The following DDR2 variants were observed in gnomAD, a reference collection of about 807,000 sequenced individuals.
The protein encoded by DDR2 is discoidin domain receptor tyrosine kinase 2.
A neutral mutation model predicts 94.9 loss-of-function variants in DDR2; 27 were observed. The ratio of observed to expected loss-of-function variants is 0.28; its 90% confidence interval spans 0.21 to 0.39. DDR2 has a LOEUF of 0.39. DDR2 is among the 10% of genes least tolerant of loss of function. The pLI is 1.00. For missense variants in DDR2, 783 were observed against 1,076.0 expected (o/e 0.73, Z 3.81); for synonymous variants, 382 against 377.2 (o/e 1.01, Z -0.15).
intron 2 of DDR2, among the ~76,000 whole-genome samples, chr1:162,667,895 A>C (rs532229976): frequency 6.6e-6 from 1 of 152,332 alleles, no homozygotes; most frequent in East Asian, 1.9e-4. Flanking sequence ...TAAAATTTGC[A>C]GATGCAGTCA....
intron 2 of DDR2, among the ~76,000 whole-genome samples, chr1:162,708,223 C>T (rs973701546): frequency 2.6e-5 from 4 of 152,190 alleles, no homozygotes; most frequent in Admixed American, 2.6e-4. Flanking sequence ...CCAAGTTTCT[C>T]TCCAAGGAGG....
At chr1:162,685,276 G>C (rs1331250457) in intron 2 of DDR2, among the ~76,000 whole-genome samples, 1 of 152,170 alleles carries the variant, frequency 6.6e-6, no homozygotes, top group Non-Finnish European at 1.5e-5. Context: ...AGAAGTATCT[G>C]TGTTCTTTCA....
At chr1:162,669,818 C>T (rs1257443410) in intron 2 of DDR2, among the ~76,000 whole-genome samples, 2 of 152,060 alleles carry the variant, frequency 1.3e-5, no homozygotes, top group African/African-American at 4.8e-5. Context: ...CAGGAGTCAC[C>T]AGCCCATTTA....
At chr1:162,765,245 T>C (rs1014892037) in intron 9 of DDR2, among the ~76,000 whole-genome samples, 1 of 152,112 alleles carries the variant, frequency 6.6e-6, no homozygotes, top group Non-Finnish European at 1.5e-5. Flanking sequence ...ATAATATTAG[T>C]TTTCACCGGA....
At chr1:162,761,602 G>A (rs1663750519) in intron 9 of DDR2, 148 bp downstream of exon 9, 3 of 1,324,074 alleles carry the variant, frequency 2.3e-6, no homozygotes, top group South Asian at 2.6e-5. Flanking sequence ...TCCTTTGTGT[G>A]ACTAGTTTTA....
At chr1:162,654,944 CAAT>C (rs1657884163) in intron 1 of DDR2, among the ~76,000 whole-genome samples, 1 of 152,102 alleles carries the variant, frequency 6.6e-6, no homozygotes, top group Non-Finnish European at 1.5e-5. Flanking sequence ...ATTTTTATAA[CAAT>C]TATTATTCAA....
At chr1:162,691,790 T>C (rs1037236971) in intron 2 of DDR2, among the ~76,000 whole-genome samples, 1 of 152,230 alleles carries the variant, frequency 6.6e-6, no homozygotes, top group African/African-American at 2.4e-5. Flanking sequence ...TGCATTCTGC[T>C]ACCAATATCT....
At chr1:162,671,515 G>A (rs1029704406) in intron 2 of DDR2, among the ~76,000 whole-genome samples, 1 of 152,178 alleles carries the variant, frequency 6.6e-6, no homozygotes, top group Non-Finnish European at 1.5e-5. Context: ...GCTTCTGGGA[G>A]GCAGTGACTA....
Position 162,755,317 on chromosome 1 carries a change from C to T in DDR2, c.565+14C>T. 6.2e-7 allele frequency: 1 copy of T among 1,613,388 alleles called. No homozygotes were observed. Among genetic ancestry groups the T allele is most frequent in the East Asian group, 2.2e-5 (1 of 44,866 alleles). On this transcript the variant is annotated intron_variant, in intron 6 of 17. Transcript: ENST00000367921. ...GTGTCTGGCTAGGTAGGTCACTAGCCCAGGAAGCCTATAGACTTTATTAAA... is the reference window on the plus strand; with the variant it reads ...GTGTCTGGCTAGGTAGGTCACTAGCTCAGGAAGCCTATAGACTTTATTAAA...
intron 9 of DDR2, among the ~76,000 whole-genome samples, chr1:162,763,942 C>T (rs1663873793): frequency 6.6e-6 from 1 of 152,112 alleles, no homozygotes; most frequent in African/African-American, 2.4e-5. Flanking sequence ...AAAAGCAATA[C>T]CAATATTATT....
chr1:162,684,809 ACCAAC>A (rs1659587762), intron 2 of DDR2, among the ~76,000 whole-genome samples: 1 of 131,706 alleles, frequency 7.6e-6, no homozygotes, highest in Non-Finnish European at 1.6e-5. Context: ...AAACACACCC[ACCAAC>A]ACACACACAC....
chr1:162,760,447 CATATATACATATACAACTAT>C lies in DDR2; in HGVS notation c.855+493_855+512del, dbSNP rs1290021857. Among the ~76,000 whole-genome samples the C allele has an allele frequency of 2.1e-3, 256 of 123,506 alleles. 1 individual carries two copies. Among genetic ancestry groups the C allele is most frequent in the Non-Finnish European group, 2.7e-3 (164 of 60,698 alleles). The allele number at this position is 123,506 out of a possible 152,430, so 81.0% of individuals were successfully genotyped here. A position where few individuals can be genotyped will look rare whatever the true frequency, so the allele number is the denominator to read the frequency against. Reference sequence around the variant, plus strand: ...ATATACACAACTACATATATATAACCATATATACATATACAACTATATATATACATATACAACTATATATG... The same window carrying C: ...ATATACACAACTACATATATATAACCATATATACATATACAACTATATATG... On this transcript the variant is annotated intron_variant, in intron 8 of 17. Transcript: ENST00000367921.
At chr1:162,726,860 G>A (rs1022310292) in intron 3 of DDR2, among the ~76,000 whole-genome samples, 3 of 151,954 alleles carry the variant, frequency 2.0e-5, no homozygotes, top group African/African-American at 7.3e-5. Flanking sequence ...GTGCATCACT[G>A]CTGCTTCACA....
intron 2 of DDR2, among the ~76,000 whole-genome samples, chr1:162,686,368 G>T (rs1379987212): frequency 6.6e-6 from 1 of 151,750 alleles, no homozygotes; most frequent in African/African-American, 2.4e-5. Flanking sequence ...CCTTCCCCTT[G>T]CCCCCCACCC....
chr1:162,698,723 T>C (rs774414452), intron 2 of DDR2, among the ~76,000 whole-genome samples: 4 of 152,142 alleles, frequency 2.6e-5, no homozygotes. Flanking sequence ...AGCTGGCCAG[T>C]GGGAGGCTTG....
chr1:162,760,192 C>T (rs1056410786), intron 8 of DDR2, among the ~76,000 whole-genome samples: 6 of 151,768 alleles, frequency 4.0e-5, no homozygotes, highest in Non-Finnish European at 8.8e-5. Flanking sequence ...AGTGAGCTCT[C>T]TTTTTTTTGT....
At chr1:162,637,395 A>T (rs1330109688) in intron 1 of DDR2, among the ~76,000 whole-genome samples, 1 of 152,082 alleles carries the variant, frequency 6.6e-6, no homozygotes, top group African/African-American at 2.4e-5. Context: ...TATATTTTTT[A>T]TAATTTTTAA....
At chr1:162,636,953 T>G (rs138037333) in intron 1 of DDR2, among the ~76,000 whole-genome samples, 1 of 152,326 alleles carries the variant, frequency 6.6e-6, no homozygotes, top group African/African-American at 2.4e-5. Flanking sequence ...AAGATAGTTT[T>G]CCACTGATTT....
At chr1:162,679,905 C>T (rs527775065) in intron 2 of DDR2, among the ~76,000 whole-genome samples, 6 of 152,022 alleles carry the variant, frequency 3.9e-5, no homozygotes, top group Middle Eastern at 3.4e-3. Flanking sequence ...GTATTTTTTT[C>T]GTATGCCTGT....
Sources: allele counts gnomAD v4.1 joint callset (sites outside exome capture counted in the v4.1 genomes callset), GRCh38; gene constraint gnomAD v4.1.1; transcripts MANE v1.5; gene names NCBI Gene and HGNC (gene_info 2026-07-23, HGNC 2026-07-21).